The following HHAT variants were observed in gnomAD, a reference collection of about 807,000 sequenced individuals.
HHAT encodes the protein hedgehog acyltransferase, also known as protein-cysteine N-palmitoyltransferase HHAT.
A neutral mutation model predicts 70.8 loss-of-function variants in HHAT; 47 were observed. The ratio of observed to expected loss-of-function variants is 0.66; its 90% confidence interval spans 0.53 to 0.85. The LOEUF (loss-of-function observed/expected upper bound fraction) is 0.85. Ranked by LOEUF, HHAT falls within the 40% of genes least tolerant of loss-of-function variation. The pLI, the probability that HHAT is intolerant of heterozygous loss-of-function variation, is 0.00. For synonymous variants in HHAT, 228 were observed against 247.6 expected, an observed-to-expected ratio of 0.92 and a Z score of 0.74; for missense variants, 609 against 604.8, an observed-to-expected ratio of 1.01 and a Z score of -0.07.
chr1:210,488,573 A>G (rs1050518338), intron 8 of HHAT, among the ~76,000 whole-genome samples: 4 of 152,204 alleles, frequency 2.6e-5, no homozygotes, highest in African/African-American at 4.8e-5. Flanking sequence ...ATGATTATTC[A>G]TTCGATGAAT....
chr1:210,540,878 T>C (rs2095423752), intron 9 of HHAT, among the ~76,000 whole-genome samples: 1 of 152,152 alleles, frequency 6.6e-6, no homozygotes, highest in Non-Finnish European at 1.5e-5. Context: ...TATCGCTCTG[T>C]TGCCCAGGCT....
chr1:210,412,762 G>T (rs1190588077), intron 6 of HHAT, among the ~76,000 whole-genome samples: 1 of 152,222 alleles, frequency 6.6e-6, no homozygotes, highest in Non-Finnish European at 1.5e-5. Context: ...TGGCTCTACT[G>T]GTCTGGGGTC....
chr1:210,329,895 C>T (rs2147893356), intron 1 of HHAT, among the ~76,000 whole-genome samples: 1 of 152,252 alleles, frequency 6.6e-6, no homozygotes, highest in Non-Finnish European at 1.5e-5. Context: ...TACAGGCATG[C>T]GCCACCACGC....
intron 10 of HHAT, among the ~76,000 whole-genome samples, chr1:210,615,172 G>A (rs1164711746): frequency 7.2e-5 from 11 of 152,154 alleles, no homozygotes; most frequent in Admixed American, 5.2e-4. Context: ...GTGACGATGA[G>A]CATTTTTTCC....
At chr1:210,473,451 G>A (rs2094244363) in intron 8 of HHAT, among the ~76,000 whole-genome samples, 1 of 152,038 alleles carries the variant, frequency 6.6e-6, no homozygotes, top group South Asian at 2.1e-4. Context: ...GTTGATTGGG[G>A]GGCTCAGAGT....
At chr1:210,514,933 C>T (rs2095029056) in intron 9 of HHAT, among the ~76,000 whole-genome samples, 1 of 152,216 alleles carries the variant, frequency 6.6e-6, no homozygotes, top group African/African-American at 2.4e-5. Context: ...TGGGCTCCAA[C>T]CATTCCTCCT....
intron 6 of HHAT, among the ~76,000 whole-genome samples, chr1:210,413,739 C>G (rs1451923865): frequency 2.0e-5 from 3 of 152,166 alleles, no homozygotes; most frequent in Admixed American, 2.0e-4. Flanking sequence ...TCAGATTGGC[C>G]TTTACCATGC....
chr1:210,548,170 C>A (rs930954652), intron 9 of HHAT, among the ~76,000 whole-genome samples: 1 of 152,080 alleles, frequency 6.6e-6, no homozygotes, highest in Admixed American at 6.5e-5. Context: ...ACTGTGGGCA[C>A]CAAGGCAGAG....
chr1:210,656,723 A>G (rs973698884), intron 11 of HHAT, among the ~76,000 whole-genome samples: 2 of 152,114 alleles, frequency 1.3e-5, no homozygotes, highest in African/African-American at 4.8e-5. Flanking sequence ...ACAGTGATAT[A>G]AGAGCCCTTG....
At chr1:210,329,161 G>A (rs2084758968) in intron 1 of HHAT, 57 bp downstream of exon 1, 1 of 1,254,588 alleles carries the variant, frequency 8.0e-7, no homozygotes, top group Non-Finnish European at 1.0e-6. Flanking sequence ...AATTTTCTGC[G>A]TCAGTTTACT....
intron 9 of HHAT, among the ~76,000 whole-genome samples, chr1:210,540,444 TACACACACACACACAC>T (rs5780588): frequency 2.8e-4 from 41 of 148,378 alleles, no homozygotes; most frequent in Non-Finnish European, 4.8e-4. Flanking sequence ...TTTTCCCTCT[TACACACACACACACAC>T]ACACACACAC....
At position 210,517,701 on chromosome 1, in the gene HHAT, C is replaced by T. The variant is rs192752740; in HGVS notation, c.1043+4513C>T. 2.6e-4 allele frequency among the ~76,000 whole-genome samples: 39 copies of T among 152,048 alleles called. No homozygotes were observed. The East Asian group carries it at 7.5e-3, about 29-fold the overall frequency. ...AGACAGGAGATTTTAGGCTTTCTCA[C>T]CACAAAAAAGATAAATATAGGAAGA... On this transcript the variant is annotated intron_variant, in intron 9 of 11. Coordinates refer to ENST00000261458, the MANE Select transcript of HHAT (RefSeq NM_018194.6).
chr1:210,572,254 A>G (rs986175964), intron 9 of HHAT, among the ~76,000 whole-genome samples: 5 of 152,212 alleles, frequency 3.3e-5, no homozygotes, highest in Non-Finnish European at 1.5e-5. Flanking sequence ...CTGATTTGTC[A>G]GAGTGCGGAT....
chr1:210,655,967 G>A (rs74156007), intron 11 of HHAT, among the ~76,000 whole-genome samples: 2,545 of 152,166 alleles, frequency 0.017, 73 homozygotes, highest in African/African-American at 0.058. Context: ...GCCTTCTCTC[G>A]GAGGCAGATA....
chr1:210,451,051 C>T (rs1057241363), intron 7 of HHAT, among the ~76,000 whole-genome samples: 71 of 145,584 alleles, frequency 4.9e-4, no homozygotes, highest in African/African-American at 6.9e-4. Flanking sequence ...CATGCCACTG[C>T]GCTCCAGCCT....
rs537906367 is a variant in HHAT at position 210,564,744 on chromosome 1, CACAGATGT to C, written c.1044-23152_1044-23145del. The stretch of plus-strand genomic sequence containing the variant: ...ATAGATAGGACAAATAAGAGAGAGA[CACAGATGT>C]AGCCATTGGCTGTGACAATATGGAG... On this transcript the variant is annotated intron_variant, in intron 9 of 11. Coordinates refer to ENST00000261458, the MANE Select transcript of HHAT (RefSeq NM_018194.6). Among the ~76,000 whole-genome samples, 19 of 151,202 alleles carry C rather than the reference CACAGATGT, an allele frequency of 1.3e-4. 1 individual carries two copies. The South Asian group carries it at 4.0e-3, about 32-fold the overall frequency.
intron 4 of HHAT, among the ~76,000 whole-genome samples, chr1:210,392,716 G>A (rs892989886): frequency 8.5e-5 from 13 of 152,124 alleles, no homozygotes; most frequent in African/African-American, 2.9e-4. Context: ...GATAACAGGC[G>A]TGAGCCACCA....
intron 9 of HHAT, among the ~76,000 whole-genome samples, chr1:210,572,422 G>A (rs185981071): frequency 1.1e-3 from 170 of 152,218 alleles, no homozygotes; most frequent in Middle Eastern, 6.8e-3. Context: ...CATATAATAC[G>A]TGCTGGCATT....
chr1:210,627,891 A>G (rs546044514), intron 11 of HHAT, among the ~76,000 whole-genome samples: 103 of 152,280 alleles, frequency 6.8e-4, no homozygotes, highest in African/African-American at 2.4e-3. Context: ...ATGCTGTTCT[A>G]GGAGGAATTC....
Sources: gnomAD v4.1 joint callset for allele counts (sites outside exome capture counted in the v4.1 genomes callset) on GRCh38, gnomAD v4.1.1 for gene constraint, MANE v1.5 for transcripts, NCBI Gene and HGNC (gene_info 2026-07-23, HGNC 2026-07-21) for gene names.